Variants in CFAP70 observed in about 807,000 individuals in gnomAD.
CFAP70 encodes the protein cilia- and flagella-associated protein 70.
Under a neutral mutation model 137.6 loss-of-function variants are expected in CFAP70, and 81 were observed. The ratio of observed to expected loss-of-function variants is 0.59; its 90% confidence interval spans 0.49 to 0.71. The LOEUF is 0.71. Ranked by LOEUF, CFAP70 falls within the 30% of genes least tolerant of loss-of-function variation. The pLI, the probability that CFAP70 is intolerant of heterozygous loss-of-function variation, is 0.00. For missense variants in CFAP70, 976 were observed against 1,226.7 expected, an observed-to-expected ratio of 0.80 and a Z score of 3.05; for synonymous variants, 382 against 423.6, an observed-to-expected ratio of 0.90 and a Z score of 1.20.
rs1225629896 is a variant in CFAP70, at chr10:73,277,127, G to A, written c.2520+113C>T. The A allele has an allele frequency of 4.5e-6, 6 of 1,331,290 alleles. No homozygotes were observed. In the East Asian group the frequency reaches 1.5e-4, roughly 32 times the overall value. 82.5% of individuals were successfully genotyped at this position (1,331,290 alleles called of 1,614,324 possible). The stretch of plus-strand genomic sequence containing the variant: ...TTGGGCTTAAAGTATGCTCTCAAAA[G>A]CATATTTGATTTCTGTTTCACAAAT... On this transcript the variant is annotated intron_variant, in intron 21 of 26. Coordinates refer to ENST00000310715, the Ensembl canonical transcript of CFAP70.
chr10:73,351,023 A>AT (rs1233436161), intron 3 of CFAP70, among the ~76,000 whole-genome samples: 5 of 142,214 alleles, frequency 3.5e-5, no homozygotes, highest in Non-Finnish European at 6.1e-5. Context: ...GTGTGTATAT[A>AT]TATGTGTATA....
At chr10:73,266,999 T>C (rs1210802903) in intron 25 of CFAP70, among the ~76,000 whole-genome samples, 1 of 152,216 alleles carries the variant, frequency 6.6e-6, no homozygotes, top group Non-Finnish European at 1.5e-5. Flanking sequence ...TTCTAACATA[T>C]GTATTTAAGG....
exon 6 of CFAP70, chr10:73,341,523 G>A: frequency 1.9e-6 from 3 of 1,614,158 alleles, no homozygotes; most frequent in Non-Finnish European, 2.5e-6. Flanking sequence ...CCGGGGAACA[G>A]GTTCCCTTTC....
intron 25 of CFAP70, among the ~76,000 whole-genome samples, chr10:73,257,060 C>T (rs546359033): frequency 8.5e-5 from 13 of 152,216 alleles, no homozygotes; most frequent in East Asian, 1.9e-4. Context: ...CTTACCACTC[C>T]GTACTATGTG....
intron 5 of CFAP70, among the ~76,000 whole-genome samples, chr10:73,343,518 G>A (rs2053454075): frequency 6.6e-6 from 1 of 152,124 alleles, no homozygotes; most frequent in South Asian, 2.1e-4. Context: ...AGACCAGCCT[G>A]GCCAACATGG....
Position 73,255,200 on chromosome 10 carries a change from C to G in CFAP70, c.3076-1145G>C, listed in dbSNP as rs569061096. On this transcript the variant is annotated intron_variant, in intron 26 of 26. Coordinates refer to ENST00000310715, the Ensembl canonical transcript of CFAP70. ...GATCACAAGGTCAGGAGATCAAGACCATCCTGGCTAACACGGTGATACCCT... is the reference window on the plus strand; with the variant it reads ...GATCACAAGGTCAGGAGATCAAGACGATCCTGGCTAACACGGTGATACCCT... 1.8e-3 allele frequency among the ~76,000 whole-genome samples: 274 copies of G among 152,246 alleles called. 2 individuals carry two copies. Among genetic ancestry groups the G allele is most frequent in the African/African-American group, 6.2e-3 (259 of 41,532 alleles).
intron 9 of CFAP70, among the ~76,000 whole-genome samples, chr10:73,317,739 C>A (rs2050511150): frequency 6.6e-6 from 1 of 151,980 alleles, no homozygotes; most frequent in Non-Finnish European, 1.5e-5. Flanking sequence ...CTCTAGAAAT[C>A]TCATGTTAAA....
intron 24 of CFAP70, among the ~76,000 whole-genome samples, chr10:73,271,333 G>A (rs548159774): frequency 3.9e-5 from 6 of 152,260 alleles, no homozygotes; most frequent in South Asian, 2.1e-4. Flanking sequence ...CCAACATGGC[G>A]AAATCCTGTG....
chr10:73,331,679 C>CA (rs80336606), intron 7 of CFAP70, among the ~76,000 whole-genome samples: 9 of 150,258 alleles, frequency 6.0e-5, no homozygotes, highest in African/African-American at 1.2e-4. Context: ...GACCCTGTCT[C>CA]AAAAAAAAAA....
intron 12 of CFAP70, among the ~76,000 whole-genome samples, chr10:73,302,801 C>T (rs1477743083): frequency 1.3e-5 from 2 of 151,992 alleles, no homozygotes; most frequent in African/African-American, 4.8e-5. Flanking sequence ...TTTGGTATAC[C>T]CATGCCTCAG....
intron 26 of CFAP70, 71 bp downstream of exon 27, chr10:73,256,298 G>A (rs1441982442): frequency 1.9e-6 from 3 of 1,541,388 alleles, no homozygotes; most frequent in Non-Finnish European, 2.7e-6. Flanking sequence ...CCTGAATTAA[G>A]CCAGTACCTC....
At chr10:73,348,374 GT>G in intron 4 of CFAP70, 48 bp downstream of exon 4, 1 of 1,578,724 alleles carries the variant, frequency 6.3e-7, no homozygotes, top group Non-Finnish European at 8.7e-7. Flanking sequence ...CTGGGGCTAA[GT>G]TTTATGAGCT....
At chr10:73,278,980 A>G (rs889657986) in intron 19 of CFAP70, 1 of 103,312 alleles carries the variant, frequency 9.7e-6, no homozygotes, top group African/African-American at 5.0e-5. Context: ...ACTCCGTCTC[A>G]AAAAAAAAAA....
At chr10:73,316,211 A>G (rs1253532426) in intron 9 of CFAP70, among the ~76,000 whole-genome samples, 1 of 151,800 alleles carries the variant, frequency 6.6e-6, no homozygotes, top group African/African-American at 2.4e-5. Context: ...GTGTATTTGA[A>G]CCTAAGGTGT....
intron 3 of CFAP70, among the ~76,000 whole-genome samples, chr10:73,349,251 T>C (rs796537910): frequency 1.6e-4 from 24 of 152,064 alleles, no homozygotes; most frequent in African/African-American, 5.5e-4. Flanking sequence ...TGAAAAACAC[T>C]GCTCTAGGGT....
chr10:73,351,071 G>GTATATATATATA (rs1158760266), intron 3 of CFAP70, among the ~76,000 whole-genome samples: 4 of 31,380 alleles, frequency 1.3e-4, no homozygotes, highest in Admixed American at 5.2e-4. Context: ...GTGTGTGTGT[G>GTATATATATATA]TATATATATA....
chr10:73,341,365 G>T lies in CFAP70; in HGVS notation c.582+34C>A, dbSNP rs987472525. The stretch of plus-strand genomic sequence containing the variant: ...GTTTTATCATCTGTCAGTACACTAA[G>T]TTTATCACAAAAACCTGTATATCAG... On this transcript the variant is annotated intron_variant, in intron 6 of 26. Transcript: ENST00000310715. 26 of 1,556,338 alleles carry T rather than the reference G, an allele frequency of 1.7e-5. No individual in the cohort carries two copies. The East Asian group carries it at 5.9e-4, about 35-fold the overall frequency.
chr10:73,321,769 C>CT (rs915710530), intron 9 of CFAP70, among the ~76,000 whole-genome samples: 2 of 151,290 alleles, frequency 1.3e-5, no homozygotes, highest in African/African-American at 2.4e-5. Context: ...CAACAACAGA[C>CT]TTTTTTTTTC....
At chr10:73,314,231 C>T (rs1192084369) in intron 9 of CFAP70, among the ~76,000 whole-genome samples, 1 of 152,146 alleles carries the variant, frequency 6.6e-6, no homozygotes, top group African/African-American at 2.4e-5. Context: ...TGTTCATTAT[C>T]TTGATTGTGG....
Sources: allele counts gnomAD v4.1 joint callset (sites outside exome capture counted in the v4.1 genomes callset), GRCh38; gene constraint gnomAD v4.1.1; transcripts MANE v1.5; gene names NCBI Gene and HGNC (gene_info 2026-07-23, HGNC 2026-07-21).